Variants in CCDC57 observed in about 807,000 individuals in gnomAD.
The protein encoded by CCDC57 is coiled-coil domain containing 57.
In CCDC57, 118 loss-of-function variants were observed where a neutral mutation model predicts 118.9. That is an observed-to-expected ratio of 0.99 (90% CI 0.86 to 1.16). CCDC57 has a LOEUF of 1.16. Ranked by LOEUF, CCDC57 falls within the 50% of genes most tolerant of loss-of-function variation. The pLI, the probability that CCDC57 is intolerant of heterozygous loss-of-function variation, is 0.00. For missense variants in CCDC57, 1,300 were observed against 1,320.7 expected, an observed-to-expected ratio of 0.98 and a Z score of 0.24; for synonymous variants, 527 against 532.9, an observed-to-expected ratio of 0.99 and a Z score of 0.15.
At chr17:82,171,818 G>C in exon 13 of CCDC57, 1 of 1,613,790 alleles carries the variant, frequency 6.2e-7, no homozygotes, top group South Asian at 1.1e-5. Flanking sequence ...TTATGCTTTA[G>C]AGTTCGTATT....
intron 1 of CCDC57, among the ~76,000 whole-genome samples, chr17:82,208,683 A>G (rs1036395920): frequency 1.3e-5 from 2 of 151,822 alleles, no homozygotes; most frequent in African/African-American, 4.8e-5. Flanking sequence ...GGCAGGCACC[A>G]CCATGCCCAG....
At chr17:82,126,768 C>T (rs751071334) in intron 19 of CCDC57, 35 of 985,328 alleles carry the variant, frequency 3.6e-5, no homozygotes, top group Non-Finnish European at 4.0e-5. Flanking sequence ...ACACTGCAGC[C>T]TGTAAGGTTA....
intron 19 of CCDC57, among the ~76,000 whole-genome samples, chr17:82,120,998 A>G (rs1047940214): frequency 1.3e-5 from 2 of 151,920 alleles, no homozygotes; most frequent in Non-Finnish European, 2.9e-5. Flanking sequence ...CTAGTGATCC[A>G]CCCACCTCGG....
Position 82,157,747 on chromosome 17 carries a change from C to A in CCDC57, c.2241+1G>T. 6.3e-7 allele frequency: 1 copy of A among 1,589,012 alleles called. No individual in the cohort carries two copies. Among genetic ancestry groups the A allele is most frequent in the Non-Finnish European group, 8.5e-7 (1 of 1,170,398 alleles). On this transcript the variant is annotated splice_donor_variant, in intron 15 of 19. Coordinates refer to ENST00000665763, the Ensembl canonical transcript of CCDC57. LOFTEE classifies it high-confidence loss of function. ...GGCAGGAGGAGCTAGCGGGCACCCACCTCTCTCCCAAGGGCCACGGCGTCC... is the reference window on the plus strand; with the variant it reads ...GGCAGGAGGAGCTAGCGGGCACCCAACTCTCTCCCAAGGGCCACGGCGTCC...
intron 11 of CCDC57, among the ~76,000 whole-genome samples, chr17:82,173,228 C>T (rs1410936306): frequency 1.3e-5 from 2 of 152,050 alleles, no homozygotes; most frequent in Admixed American, 1.3e-4. Context: ...GCTGCACCTC[C>T]GTGTGAATGC....
chr17:82,128,729 T>G (rs1238998916), intron 17 of CCDC57, 132 bp from the exon 17 acceptor site: 38 of 713,334 alleles, frequency 5.3e-5, no homozygotes, highest in Non-Finnish European at 8.5e-5. Flanking sequence ...CACCATTTGG[T>G]GACAGCCCGG....
chr17:82,137,633 T>C (rs2039397815), intron 16 of CCDC57, among the ~76,000 whole-genome samples: 1 of 152,124 alleles, frequency 6.6e-6, no homozygotes, highest in Non-Finnish European at 1.5e-5. Flanking sequence ...CTTCTCAAAA[T>C]TGAATTCTAA....
chr17:82,132,834 A>G (rs2038611376), intron 17 of CCDC57, among the ~76,000 whole-genome samples: 1 of 136,594 alleles, frequency 7.3e-6, no homozygotes, highest in Non-Finnish European at 1.5e-5. Flanking sequence ...ATCTCGGCTC[A>G]CTGCAGCCTC....
At chr17:82,187,829 C>A (rs992957612) in intron 8 of CCDC57, among the ~76,000 whole-genome samples, 2 of 4,110 alleles carry the variant, frequency 4.9e-4, no homozygotes, top group East Asian at 4.9e-3. Flanking sequence ...GGGGAGCTGG[C>A]GGGGGTGGGG....
exon 2 of CCDC57, chr17:82,208,006 G>T (rs992949361): frequency 3.3e-5 from 5 of 152,184 alleles, no homozygotes; most frequent in African/African-American, 1.2e-4. Flanking sequence ...GATTCTTGTG[G>T]TATCAGAGTA....
At chr17:82,211,025 AAAAG>A (rs1406498229) in intron 1 of CCDC57, among the ~76,000 whole-genome samples, 2 of 151,640 alleles carry the variant, frequency 1.3e-5, no homozygotes, top group African/African-American at 4.8e-5. Flanking sequence ...AAAAAAAAGA[AAAAG>A]AGAGAAAGAA....
chr17:82,190,015 T>TA (rs943645477), intron 7 of CCDC57, among the ~76,000 whole-genome samples: 63 of 141,708 alleles, frequency 4.4e-4, no homozygotes, highest in East Asian at 1.2e-3. Flanking sequence ...TGTCTCAAAT[T>TA]AAAAAAAAAA....
intron 17 of CCDC57, among the ~76,000 whole-genome samples, chr17:82,133,489 C>A (rs923222784): frequency 7.5e-6 from 1 of 132,484 alleles, no homozygotes; most frequent in African/African-American, 2.8e-5. Context: ...ACTTATCATA[C>A]CAGATTAAAA....
chr17:82,113,949 A>T (rs1052831547), intron 19 of CCDC57, among the ~76,000 whole-genome samples: 1 of 152,098 alleles, frequency 6.6e-6, no homozygotes, highest in African/African-American at 2.4e-5. Context: ...AAAGTAAATA[A>T]ATAAGAGCCC....
chr17:82,178,950 A>G, intron 10 of CCDC57, 77 bp downstream of exon 9: 1 of 1,472,656 alleles, frequency 6.8e-7, no homozygotes, highest in Non-Finnish European at 9.1e-7. Flanking sequence ...CCATTTGGTA[A>G]GAACCAGACC....
intron 19 of CCDC57, among the ~76,000 whole-genome samples, chr17:82,111,017 G>A (rs944071545): frequency 2.0e-5 from 3 of 152,070 alleles, no homozygotes; most frequent in African/African-American, 7.2e-5. Flanking sequence ...ATGTGCAGGA[G>A]TAGAAATAGA....
At chr17:82,128,454 C>T (rs1488440180) in intron 18 of CCDC57, 39 bp downstream of exon 17, 2 of 1,448,164 alleles carry the variant, frequency 1.4e-6, no homozygotes, top group Non-Finnish European at 1.9e-6. Context: ...CTGGCCACAC[C>T]CCACACAGCT....
chr17:82,171,200 G>C (rs12051684), intron 13 of CCDC57, among the ~76,000 whole-genome samples: 2 of 102,222 alleles, frequency 2.0e-5, no homozygotes, highest in East Asian at 3.6e-4. Flanking sequence ...AAAACAGGGA[G>C]CGCTGACTGC....
At chr17:82,157,702 T>C (rs1487813498) in intron 15 of CCDC57, 46 bp downstream of exon 14, 2 of 1,545,194 alleles carry the variant, frequency 1.3e-6, no homozygotes, top group Non-Finnish European at 1.7e-6. Flanking sequence ...ACGGTTTCTG[T>C]GGCAGGAACC....
Sources: gnomAD v4.1 joint callset for allele counts (sites outside exome capture counted in the v4.1 genomes callset) on GRCh38, gnomAD v4.1.1 for gene constraint, MANE v1.5 for transcripts, NCBI Gene and HGNC (gene_info 2026-07-23, HGNC 2026-07-21) for gene names.